Variants in RYR3 observed in about 807,000 individuals in gnomAD.
RYR3 encodes the protein brain ryanodine receptor-calcium release channel.
A neutral mutation model predicts 584.3 loss-of-function variants in RYR3; 207 were observed. The ratio of observed to expected loss-of-function variants is 0.35; its 90% CI spans 0.32 to 0.40. The LOEUF is 0.40. Ranked by LOEUF, RYR3 falls within the 10% of genes least tolerant of loss-of-function variation. The pLI is 1.00. For missense variants in RYR3, 5,616 were observed against 6,089.2 expected (o/e 0.92, Z 2.59); for synonymous variants, 2,416 against 2,248.5 (o/e 1.07, Z -2.11).
intron 83 of RYR3, 151 bp from the exon 84 acceptor site, chr15:33,826,521 C>T (rs1306337009): frequency 2.5e-6 from 2 of 786,408 alleles, no homozygotes; most frequent in Non-Finnish European, 4.4e-6. Flanking sequence ...CAGCCCAGCT[C>T]AGTTTAATTG....
At position 33,662,888 on chromosome 15, in the gene RYR3, C is replaced by T. The variant is rs1423994631; in HGVS notation, c.5358C>T (p.Gly1786=). ...EKAVEAGEKA[G]KEAPVKGLLQ... ...CTGTGGAGGCTGGGGAGAAGGCCGG[C>T]AAGGAGGCTCCTGTCAAAGGCTTGT... is the stretch of plus-strand genomic sequence containing the variant. The change falls in exon 35 of 104, where the codon GGC becomes GGT. Residue 1786 remains glycine, a synonymous_variant. Coordinates refer to ENST00000634891, the MANE Select transcript of RYR3 (RefSeq NM_001036.6). 3 of 1,613,392 alleles carry T rather than the reference C, an allele frequency of 1.9e-6. No homozygotes were observed. In the Admixed American group the frequency reaches 5.0e-5, roughly 27 times the overall value.
intron 34 of RYR3, among the ~76,000 whole-genome samples, chr15:33,661,418 C>T (rs72713249): frequency 0.043 from 6,531 of 152,146 alleles, 162 homozygotes; most frequent in Middle Eastern, 0.11. Context: ...GTTTTCAGGT[C>T]GTTGGAGGAA....
chr15:33,505,329 T>C (rs2052374193), intron 3 of RYR3, among the ~76,000 whole-genome samples: 1 of 152,240 alleles, frequency 6.6e-6, no homozygotes, highest in African/African-American at 2.4e-5. Context: ...CAGTATGCTT[T>C]AGTAAGACAA....
At chr15:33,333,630 G>A (rs1970624571) in intron 1 of RYR3, among the ~76,000 whole-genome samples, 1 of 152,180 alleles carries the variant, frequency 6.6e-6, no homozygotes, top group South Asian at 2.1e-4. Context: ...TTGGAAACCA[G>A]CACAAGACAT....
intron 67 of RYR3, among the ~76,000 whole-genome samples, chr15:33,795,904 T>C (rs1164174374): frequency 6.6e-6 from 1 of 152,142 alleles, no homozygotes; most frequent in East Asian, 1.9e-4. Flanking sequence ...ATTTGGAACT[T>C]AGCATTGAAC....
chr15:33,539,326 C>T (rs1467442801), intron 5 of RYR3, 24 bp from the exon 6 acceptor site: 1 of 1,471,018 alleles, frequency 6.8e-7, no homozygotes, highest in Admixed American at 1.9e-5. Context: ...GAAGCAATGA[C>T]TAACTCAAGG....
At chr15:33,781,021 T>C (rs2074349344) in intron 65 of RYR3, among the ~76,000 whole-genome samples, 1 of 152,090 alleles carries the variant, frequency 6.6e-6, no homozygotes, top group Non-Finnish European at 1.5e-5. Context: ...AATGGCAGAG[T>C]TGAGTAGAGG....
intron 102 of RYR3, among the ~76,000 whole-genome samples, chr15:33,862,327 G>C (rs1273936517): frequency 6.6e-6 from 1 of 151,938 alleles, no homozygotes; most frequent in African/African-American, 2.4e-5. Flanking sequence ...ATCCGCCTCA[G>C]CCTCCTGAGT....
intron 27 of RYR3, among the ~76,000 whole-genome samples, chr15:33,640,208 A>G (rs573260292): frequency 2.7e-4 from 41 of 152,334 alleles, no homozygotes; most frequent in African/African-American, 9.6e-4. Context: ...TGTCACTGCC[A>G]TCTGCAGGCA....
intron 44 of RYR3, among the ~76,000 whole-genome samples, chr15:33,723,489 C>A (rs1412582785): frequency 6.6e-6 from 1 of 152,184 alleles, no homozygotes; most frequent in Non-Finnish European, 1.5e-5. Flanking sequence ...GTCTCATGAT[C>A]ATGTCCCTTT....
intron 1 of RYR3, among the ~76,000 whole-genome samples, chr15:33,348,838 T>A (rs1972817117): frequency 2.0e-5 from 3 of 152,184 alleles, no homozygotes; most frequent in Admixed American, 2.0e-4. Context: ...TTTGGCGAGT[T>A]TTGCCAGATG....
chr15:33,807,469 C>T, intron 69 of RYR3, 86 bp from the exon 70 acceptor site: 2 of 1,317,664 alleles, frequency 1.5e-6, no homozygotes, highest in Non-Finnish European at 2.1e-6. Context: ...GAAGCTATAA[C>T]TAACATATGG....
chr15:33,337,117 A>G (rs1004117191), intron 1 of RYR3, among the ~76,000 whole-genome samples: 2 of 148,132 alleles, frequency 1.4e-5, no homozygotes, highest in African/African-American at 4.9e-5. Context: ...ATAAAAAAAG[A>G]GAAGGCATGA....
At chr15:33,480,870 T>C (rs942034612) in intron 2 of RYR3, among the ~76,000 whole-genome samples, 1 of 152,224 alleles carries the variant, frequency 6.6e-6, no homozygotes, top group Admixed American at 6.5e-5. Context: ...AAAAGGGGTG[T>C]TCAAATCTTC....
At position 33,819,768 on chromosome 15, in the gene RYR3, C is replaced by T. The variant is rs58745096; in HGVS notation, c.10719C>T (p.Asp3573=). The T allele has an allele frequency of 2.7e-3, 4,154 of 1,539,658 alleles. 107 individuals are homozygous for T. The African/African-American group carries it at 0.049, about 18-fold the overall frequency. The change falls in exon 77 of 104, where the codon GAC becomes GAT. Residue 3573 remains aspartate (D), a synonymous_variant. Transcript: ENST00000634891. ...CCATTCTTTCCAGCAAATTGGAAGACGACCCTTTGTACACCTCCTATTCCA... is the reference window on the plus strand; with the variant it reads ...CCATTCTTTCCAGCAAATTGGAAGATGACCCTTTGTACACCTCCTATTCCA... The part of the protein sequence containing the change: ...NALTERSKLE[D]DPLYTSYSSM...
intron 12 of RYR3, among the ~76,000 whole-genome samples, chr15:33,576,982 T>C (rs622365): frequency 0.86 from 131,311 of 151,816 alleles, 57,394 homozygotes; most frequent in Middle Eastern, 0.98. Context: ...AGCGAACAAG[T>C]GGAGAGCCAA....
Position 33,773,628 on chromosome 15 carries a change from C to A in RYR3, c.9137+13C>A. On this transcript the variant is annotated intron_variant, in intron 64 of 103. Coordinates refer to ENST00000634891, the MANE Select transcript of RYR3 (RefSeq NM_001036.6). ...TTTATGTTGAAAGGTAATTAGTGAA[C>A]GAAGAGGCTAACACTTTCAGGCATA... 2.0e-6 allele frequency: 3 copies of A among 1,536,048 alleles called. No individual in the cohort carries two copies. The South Asian group carries it at 3.5e-5, about 18-fold the overall frequency.
chr15:33,385,639 A>T (rs2041536689), intron 1 of RYR3, among the ~76,000 whole-genome samples: 1 of 151,422 alleles, frequency 6.6e-6, no homozygotes, highest in African/African-American at 2.4e-5. Flanking sequence ...TTGGCTCTAT[A>T]TTGAGTATTT....
chr15:33,670,958 A>C (rs1261721476), intron 38 of RYR3, among the ~76,000 whole-genome samples: 1 of 152,178 alleles, frequency 6.6e-6, no homozygotes, highest in African/African-American at 2.4e-5. Flanking sequence ...GAGAGAAAAT[A>C]AAATAATAAT....
Sources: gnomAD v4.1 joint callset for allele counts (sites outside exome capture counted in the v4.1 genomes callset) on GRCh38, gnomAD v4.1.1 for gene constraint, MANE v1.5 for transcripts, NCBI Gene and HGNC (gene_info 2026-07-23, HGNC 2026-07-21) for gene names.